Variants in DNAJC9 observed in about 807,000 individuals in gnomAD.
DNAJC9 encodes dnaJ homolog subfamily C member 9.
Under a neutral mutation model 32.4 loss-of-function variants are expected in DNAJC9, and 18 were observed. That is an observed-to-expected ratio of 0.56 (90% CI 0.38 to 0.82). DNAJC9 has a LOEUF of 0.82. Ranked by LOEUF, DNAJC9 falls within the 40% of genes least tolerant of loss-of-function variation. The pLI, the probability that DNAJC9 is intolerant of heterozygous loss-of-function variation, is 0.00. For missense variants in DNAJC9, 310 were observed against 321.8 expected (o/e 0.96, Z 0.28); for synonymous variants, 113 against 122.1 (o/e 0.93, Z 0.49).
At chr10:73,244,176 G>T in intron 3 of DNAJC9, 1 of 483,374 alleles carries the variant, frequency 2.1e-6, no homozygotes. Context: ...TAAGTACTCT[G>T]GCACTCATAA....
chr10:73,243,586 C>A, intron 4 of DNAJC9, 67 bp from the exon 5 acceptor site: 1 of 1,590,520 alleles, frequency 6.3e-7, no homozygotes, highest in Non-Finnish European at 8.6e-7. Flanking sequence ...CTAGTGGTTG[C>A]CAGGGGCTGG....
chr10:73,234,985 C>T (rs11819307), downstream of DNAJC9: 1 of 1,542,500 alleles, frequency 6.5e-7, no homozygotes, highest in Non-Finnish European at 8.8e-7. Flanking sequence ...ACCATACAAC[C>T]TAATGGGCAG....
downstream of DNAJC9, among the ~76,000 whole-genome samples, chr10:73,237,040 C>A (rs1472601459): frequency 1.3e-5 from 2 of 152,096 alleles, no homozygotes; most frequent in East Asian, 3.9e-4. Flanking sequence ...GGCTTTCCTC[C>A]CTGTGTGTCT....
downstream of DNAJC9, among the ~76,000 whole-genome samples, chr10:73,236,706 C>A (rs1257926666): frequency 6.6e-6 from 1 of 151,182 alleles, no homozygotes; most frequent in East Asian, 1.9e-4. Context: ...GCCACTGTAC[C>A]CGGCCTTTTT....
chr10:73,237,846 C>A (rs1399041050), downstream of DNAJC9, among the ~76,000 whole-genome samples: 1 of 152,144 alleles, frequency 6.6e-6, no homozygotes, highest in South Asian at 2.1e-4. Flanking sequence ...ACCGCAGCCT[C>A]CCAAGTAGCT....
downstream of DNAJC9, chr10:73,241,338 T>C (rs1456990038): frequency 6.1e-6 from 2 of 326,114 alleles, no homozygotes; most frequent in Admixed American, 8.3e-5. Flanking sequence ...ATCAGTTCAA[T>C]CATATAGGAT....
chr10:73,243,889 T>G lies in DNAJC9; in HGVS notation c.617A>C (p.Glu206Ala), dbSNP rs762937556. 18 of 1,614,154 alleles carry G rather than the reference T, an allele frequency of 1.1e-5. No individual in the cohort carries two copies. In the South Asian group the frequency reaches 1.4e-4, roughly 13 times the overall value. ...EAKEAEMSRK[E>A]LGLDEGVDSL... is the part of the protein sequence containing the mutation. The stretch of plus-strand genomic sequence containing the variant: ...ATCCACGCCTTCATCAAGCCCCAAC[T>G]CCTTTCTGCTCATTTCTGCTTCTTT... The change falls in exon 4 of 5, where the codon GAG becomes GCG. Residue 206 changes from glutamate to alanine, a missense_variant. Glu to Ala is a moderately radical substitution (Grantham distance 107). Transcript: ENST00000372950.
downstream of DNAJC9, among the ~76,000 whole-genome samples, chr10:73,237,406 C>T (rs2043844831): frequency 6.6e-6 from 1 of 152,048 alleles, no homozygotes; most frequent in African/African-American, 2.4e-5. Flanking sequence ...TATTACACAG[C>T]TAGATTCTCT....
At chr10:73,236,835 C>T (rs939376396), downstream of DNAJC9, among the ~76,000 whole-genome samples, 2 of 151,944 alleles carry the variant, frequency 1.3e-5, no homozygotes, top group African/African-American at 4.8e-5. Flanking sequence ...CTCACCTCAG[C>T]CTCCTGAGTA....
chr10:73,244,132 T>C (rs555669223), intron 3 of DNAJC9: 2 of 564,430 alleles, frequency 3.5e-6, no homozygotes, highest in African/African-American at 3.9e-5. Flanking sequence ...CAATTACCAT[T>C]TGTTTTTTAC....
downstream of DNAJC9, among the ~76,000 whole-genome samples, chr10:73,240,462 C>T (rs1254158539): frequency 2.0e-5 from 3 of 152,142 alleles, no homozygotes; most frequent in African/African-American, 4.8e-5. Context: ...CCTGTAATCC[C>T]AGCACTTTCG....
intron 1 of DNAJC9, 42 bp downstream of exon 1, chr10:73,246,968 G>A: frequency 6.4e-7 from 1 of 1,550,624 alleles, no homozygotes; most frequent in South Asian, 1.2e-5. Context: ...GCTAGGGGGA[G>A]GCCCGCGCAG....
rs2044001403 is a variant in DNAJC9 at position 73,245,922 on chromosome 10, C to T, written c.576G>A (p.Arg192=). 6 of 1,609,030 alleles carry T rather than the reference C, an allele frequency of 3.7e-6. No homozygotes were observed. The highest frequency in any genetic ancestry group is 5.1e-6 in the Non-Finnish European group (6 of 1,178,676). ...AAATCCACAGTATTCAAAATCTTAC[C>T]CTCCTTTTCCTTGCATTCATCTTTT... ...SKQKMNARKR[R]AQEEAKEAEM... Residue 192 remains arginine, a splice_region_variant and synonymous_variant, in exon 3 of 5, where the codon AGG becomes AGA. Transcript: ENST00000372950.
chr10:73,246,631 A>C (rs550429827), intron 2 of DNAJC9, 57 bp downstream of exon 2: 5 of 1,587,844 alleles, frequency 3.1e-6, no homozygotes, highest in Admixed American at 1.7e-5. Context: ...GCAGTCAATA[A>C]AGGTTTGTTG....
chr10:73,239,782 C>T (rs985657306), downstream of DNAJC9, among the ~76,000 whole-genome samples: 1 of 149,980 alleles, frequency 6.7e-6, no homozygotes, highest in Non-Finnish European at 1.5e-5. Flanking sequence ...GATTAAACTG[C>T]TTTGATCAGT....
chr10:73,246,928 TC>T (rs1478773175), intron 1 of DNAJC9, 81 bp downstream of exon 1: 4 of 1,582,572 alleles, frequency 2.5e-6, no homozygotes, highest in Non-Finnish European at 3.4e-6. Context: ...CTCAGCGCGC[TC>T]CCCCGGGGCG....
At chr10:73,240,987 A>C, downstream of DNAJC9, 1 of 1,522,956 alleles carries the variant, frequency 6.6e-7, no homozygotes, top group Middle Eastern at 1.7e-4. Flanking sequence ...AAGCGGAGGC[A>C]GACCAGTCTC....
chr10:73,242,372 T>G lies in DNAJC9; in HGVS notation c.*1028A>C, dbSNP rs1453175720. The G allele has an allele frequency of 6.6e-6, 1 of 152,146 alleles. No homozygotes were observed. The highest frequency in any genetic ancestry group is 1.5e-5 in the Non-Finnish European group (1 of 68,036). 9.4% of individuals were successfully genotyped at this position (152,146 alleles called of 1,614,324 possible). A position where few individuals can be genotyped will look rare whatever the true frequency, so the allele number is the denominator to read the frequency against. On this transcript the variant is annotated 3_prime_UTR_variant, in exon 5 of 5. Coordinates refer to ENST00000372950, the MANE Select transcript of DNAJC9 (RefSeq NM_015190.5). ...GTTCTCACAAACCATTACCATGAGT[T>G]CACTATAACAACTGGATCAATATGG...
chr10:73,239,769 A>G (rs1204116623), downstream of DNAJC9, among the ~76,000 whole-genome samples: 2 of 152,014 alleles, frequency 1.3e-5, no homozygotes, highest in Non-Finnish European at 2.9e-5. Context: ...CCATATTCCT[A>G]TGGATTAAAC....
Sources: allele counts gnomAD v4.1 joint callset (sites outside exome capture counted in the v4.1 genomes callset), GRCh38; gene constraint gnomAD v4.1.1; transcripts MANE v1.5; gene names NCBI Gene and HGNC (gene_info 2026-07-23, HGNC 2026-07-21).